NKAIN3: variants seen among roughly 807,000 people sequenced by gnomAD.
NKAIN3 encodes the protein sodium/potassium-transporting ATPase subunit beta-1-interacting protein 3.
A neutral mutation model predicts 30.2 loss-of-function variants in NKAIN3; 25 were observed. That is an observed-to-expected ratio of 0.83 (90% confidence interval 0.60 to 1.16). The LOEUF is 1.16. NKAIN3 is among the 50% of genes most tolerant of loss of function. NKAIN3 has a pLI of 0.00. For missense variants in NKAIN3, 225 were observed against 254.1 expected, an observed-to-expected ratio of 0.89 and a Z score of 0.78; for synonymous variants, 91 against 89.6, an observed-to-expected ratio of 1.02 and a Z score of -0.09.
intron 3 of NKAIN3, among the ~76,000 whole-genome samples, chr8:62,671,766 G>T (rs1015820665): frequency 2.6e-5 from 4 of 151,714 alleles, no homozygotes; most frequent in African/African-American, 7.3e-5. Flanking sequence ...ATTTGTCTTG[G>T]TTTTTTTTCC....
chr8:62,929,445 A>G (rs1472086253), intron 5 of NKAIN3, among the ~76,000 whole-genome samples: 1 of 152,232 alleles, frequency 6.6e-6, no homozygotes, highest in Non-Finnish European at 1.5e-5. Context: ...TTATTTGGAA[A>G]AGTAAATTAA....
chr8:62,296,758 C>A (rs1347305643), intron 1 of NKAIN3, among the ~76,000 whole-genome samples: 1 of 152,160 alleles, frequency 6.6e-6, no homozygotes, highest in Non-Finnish European at 1.5e-5. Context: ...GGATTCCTAT[C>A]TCTAGCCCAG....
intron 4 of NKAIN3, among the ~76,000 whole-genome samples, chr8:62,851,922 T>G (rs972645891): frequency 3.9e-5 from 6 of 152,156 alleles, no homozygotes; most frequent in Admixed American, 3.3e-4. Context: ...ATTCTCTTTT[T>G]TTGTTGTGTT....
At chr8:62,544,993 A>G (rs1808962073) in intron 1 of NKAIN3, among the ~76,000 whole-genome samples, 1 of 152,194 alleles carries the variant, frequency 6.6e-6, no homozygotes, top group African/African-American at 2.4e-5. Context: ...GTGGAAGTGA[A>G]TCATCATAAA....
chr8:62,369,755 G>C (rs547371187), intron 1 of NKAIN3, among the ~76,000 whole-genome samples: 18 of 151,744 alleles, frequency 1.2e-4, no homozygotes, highest in East Asian at 7.7e-4. Context: ...CTCCCCCCAA[G>C]TCTGTTGTTT....
At chr8:62,592,857 C>T (rs1037629531) in intron 3 of NKAIN3, among the ~76,000 whole-genome samples, 1 of 151,740 alleles carries the variant, frequency 6.6e-6, no homozygotes, top group East Asian at 1.9e-4. Context: ...TAGAGATAAA[C>T]AGATGTTTTA....
chr8:62,632,171 C>A lies in NKAIN3; in HGVS notation c.273+42377C>A, dbSNP rs572087712. Among the ~76,000 whole-genome samples, 10 of 152,244 alleles carry A rather than the reference C, an allele frequency of 6.6e-5. No individual in the cohort carries two copies. The South Asian group carries it at 1.0e-3, about 16-fold the overall frequency. ...ACCCTCTTTCTTACAGGAAGGTGAT[C>A]CCATAAATAAGAGCAACCACTTATA... On this transcript the variant is annotated intron_variant, in intron 3 of 6. Transcript: ENST00000623646.
chr8:62,735,598 C>T (rs1036946046), intron 3 of NKAIN3, among the ~76,000 whole-genome samples: 3 of 151,990 alleles, frequency 2.0e-5, no homozygotes, highest in South Asian at 4.1e-4. Context: ...TCTTTGGTGC[C>T]TCGTTAAGTA....
intron 1 of NKAIN3, among the ~76,000 whole-genome samples, chr8:62,562,567 A>G (rs1809620762): frequency 6.6e-6 from 1 of 152,146 alleles, no homozygotes; most frequent in Non-Finnish European, 1.5e-5. Context: ...AGTACTCAAG[A>G]AGCTGCTACG....
chr8:62,426,017 A>T (rs1182360790), intron 1 of NKAIN3, among the ~76,000 whole-genome samples: 1 of 152,024 alleles, frequency 6.6e-6, no homozygotes, highest in East Asian at 1.9e-4. Flanking sequence ...GATTTGATTG[A>T]TTGAATGGTT....
chr8:62,437,239 G>A (rs548413988), intron 1 of NKAIN3, among the ~76,000 whole-genome samples: 2 of 152,164 alleles, frequency 1.3e-5, no homozygotes, highest in East Asian at 3.9e-4. Flanking sequence ...AATAACCACT[G>A]AAACAAGAAA....
intron 4 of NKAIN3, among the ~76,000 whole-genome samples, chr8:62,813,627 G>C (rs1246432156): frequency 2.0e-5 from 3 of 151,188 alleles, no homozygotes; most frequent in African/African-American, 7.3e-5. Flanking sequence ...GTAGTTTTTT[G>C]GTTGTTTTAT....
chr8:62,961,984 A>C (rs1307653223), intron 6 of NKAIN3, among the ~76,000 whole-genome samples: 1 of 152,186 alleles, frequency 6.6e-6, no homozygotes, highest in Non-Finnish European at 1.5e-5. Context: ...AGTCATGGGG[A>C]GTTTACCCAA....
At chr8:62,798,597 A>G (rs1817948877) in intron 4 of NKAIN3, among the ~76,000 whole-genome samples, 1 of 151,888 alleles carries the variant, frequency 6.6e-6, no homozygotes, top group South Asian at 2.1e-4. Context: ...AACAAAAGAA[A>G]GTAAAAATAA....
chr8:62,259,564 A>G (rs1812367598), intron 1 of NKAIN3, among the ~76,000 whole-genome samples: 1 of 152,222 alleles, frequency 6.6e-6, no homozygotes, highest in African/African-American at 2.4e-5. Flanking sequence ...AGCAAATGAC[A>G]TATAGCACAA....
At position 62,982,704 on chromosome 8, in the gene NKAIN3, A is replaced by G. The variant is rs921202802; in HGVS notation, c.*17297A>G. The G allele has an allele frequency of 2.6e-5, 4 of 152,196 alleles. No homozygotes were observed. The highest frequency in any genetic ancestry group is 6.5e-5 in the Admixed American group (1 of 15,278). 9.4% of individuals were successfully genotyped at this position (152,196 alleles called of 1,614,324 possible). A position where few individuals can be genotyped will look rare whatever the true frequency, so the allele number is the denominator to read the frequency against. On this transcript the variant is annotated 3_prime_UTR_variant, in exon 7 of 7. Coordinates refer to ENST00000623646, the MANE Select transcript of NKAIN3 (RefSeq NM_001304533.3). ...TAGCTGTTGCCAAATTGTCTCTTCT[A>G]GAAGAATGCCCAGATTTTTTTTCAG...
chr8:62,839,411 G>C (rs188618232), intron 4 of NKAIN3, among the ~76,000 whole-genome samples: 2 of 151,114 alleles, frequency 1.3e-5, no homozygotes, highest in African/African-American at 4.9e-5. Flanking sequence ...CTTAAAAATT[G>C]GTAGAAAAAA....
chr8:62,632,350 G>C (rs1348051551), intron 3 of NKAIN3, among the ~76,000 whole-genome samples: 1 of 152,108 alleles, frequency 6.6e-6, no homozygotes, highest in Non-Finnish European at 1.5e-5. Flanking sequence ...CTGGACTAGA[G>C]TATAAAATGA....
At chr8:62,496,729 C>T (rs13255137) in intron 1 of NKAIN3, among the ~76,000 whole-genome samples, 9,983 of 152,156 alleles carry the variant, frequency 0.066, 466 homozygotes, top group Middle Eastern at 0.11. Flanking sequence ...TGAAGACCCG[C>T]TTTCAAAAAA....
Sources: allele counts gnomAD v4.1 joint callset (sites outside exome capture counted in the v4.1 genomes callset), GRCh38; gene constraint gnomAD v4.1.1; transcripts MANE v1.5; gene names NCBI Gene and HGNC (gene_info 2026-07-23, HGNC 2026-07-21).